The following MTUS1 variants were observed in gnomAD, a reference collection of about 807,000 sequenced individuals.
The protein encoded by MTUS1 is microtubule-associated tumor suppressor 1.
A neutral mutation model predicts 120.8 loss-of-function variants in MTUS1; 109 were observed. That is an observed-to-expected ratio of 0.90 (90% confidence interval 0.77 to 1.06). The LOEUF is 1.06. MTUS1 is among the 50% of genes least tolerant of loss of function. MTUS1 has a pLI of 0.00. For missense variants in MTUS1, 2,210 were observed against 1,486.3 expected, an observed-to-expected ratio of 1.49 and a Z score of -8.01; for synonymous variants, 737 against 550.5, an observed-to-expected ratio of 1.34 and a Z score of -4.74.
intron 1 of MTUS1, among the ~76,000 whole-genome samples, chr8:17,763,418 T>C (rs538338252): frequency 2.0e-5 from 3 of 152,356 alleles, no homozygotes; most frequent in Non-Finnish European, 2.9e-5. Flanking sequence ...GAGAATGTTG[T>C]TTCCATACCA....
chr8:17,722,554 T>C (rs1267799064), intron 4 of MTUS1: 1 of 985,280 alleles, frequency 1.0e-6, no homozygotes, highest in Non-Finnish European at 1.2e-6. Context: ...AGTGCCAGGG[T>C]ATGCAGCTAC....
intron 12 of MTUS1, among the ~76,000 whole-genome samples, chr8:17,652,209 G>C (rs1006164457): frequency 1.3e-5 from 2 of 152,140 alleles, no homozygotes; most frequent in African/African-American, 4.8e-5. Context: ...GGTAAGGCTG[G>C]GGAAAAAGGA....
chr8:17,752,438 T>TA, intron 2 of MTUS1, among the ~76,000 whole-genome samples: 1 of 152,354 alleles, frequency 6.6e-6, no homozygotes, highest in East Asian at 1.9e-4. Context: ...CAAGATAACT[T>TA]AAAAACTAAA....
intron 1 of MTUS1, among the ~76,000 whole-genome samples, chr8:17,756,668 C>A (rs2048635549): frequency 3.6e-5 from 2 of 55,908 alleles, no homozygotes; most frequent in African/African-American, 1.1e-4. Flanking sequence ...ATGTCAAGCC[C>A]AAACCCCCAC....
chr8:17,748,771 G>A (rs184052976), intron 2 of MTUS1, among the ~76,000 whole-genome samples: 1 of 152,288 alleles, frequency 6.6e-6, no homozygotes, highest in Non-Finnish European at 1.5e-5. Context: ...TTACAAATGG[G>A]TTGAGAAAAA....
chr8:17,754,008 C>G lies in MTUS1; in HGVS notation c.1800G>C (p.Arg600Ser). The change falls in exon 2 of 15, where the codon AGG (arginine) becomes AGC (serine). Residue 600 changes from arginine (R) to serine (S), a missense_variant. Coordinates refer to ENST00000693296, the MANE Select transcript of MTUS1 (RefSeq NM_001363059.2). Reference protein sequence around the residue: ...VTTHSKNASHRVPRTTSAVKS... With the variant: ...VTTHSKNASHSVPRTTSAVKS... ...TCACGGCAGATGTTGTTCTTGGAAC[C>G]CTGTGTGAAGCATTTTTAGAATGAG... 1 of 1,614,122 alleles carries G rather than the reference C, an allele frequency of 6.2e-7. No individual in the cohort carries two copies. Among genetic ancestry groups the G allele is most frequent in the Non-Finnish European group, 8.5e-7 (1 of 1,180,018 alleles).
rs141452122 is a variant in MTUS1 at position 17,723,313 on chromosome 8, A to C, written c.2449+359T>G. ...TCCTATTACACAAAATCTAGCATCC[A>C]AAGATTCCACAGGAGATAGTCTTTT... On this transcript the variant is annotated intron_variant, in intron 4 of 14. Transcript: ENST00000693296. 1.2e-3 allele frequency: 332 copies of C among 284,780 alleles called. 4 individuals are homozygous for C. Among genetic ancestry groups the C allele is most frequent in the African/African-American group, 6.7e-3 (311 of 46,230 alleles). 17.6% of individuals were successfully genotyped at this position (284,780 alleles called of 1,614,324 possible).
intron 1 of MTUS1, among the ~76,000 whole-genome samples, chr8:17,757,312 A>C (rs1016130549): frequency 1.3e-5 from 2 of 152,208 alleles, no homozygotes; most frequent in Non-Finnish European, 2.9e-5. Context: ...GAAAGTCTAC[A>C]TACTATATGA....
At chr8:17,727,783 T>C (rs148367366) in intron 3 of MTUS1, among the ~76,000 whole-genome samples, 463 of 152,362 alleles carry the variant, frequency 3.0e-3, no homozygotes, top group African/African-American at 0.01. Flanking sequence ...TGGTTTATTT[T>C]AAGCTCGTGC....
Position 17,724,057 on chromosome 8 carries a change from T to C in MTUS1, c.2288-224A>G, listed in dbSNP as rs1424977922. 4.3e-5 allele frequency: 25 copies of C among 577,290 alleles called. 2 individuals carry two copies. The South Asian group carries it at 4.5e-4, about 10-fold the overall frequency. The allele number at this position is 577,290 out of a possible 1,614,324, so 35.8% of individuals were successfully genotyped here. On this transcript the variant is annotated intron_variant, in intron 3 of 14. Transcript: ENST00000693296. ...CAGAAATGATGAGGCAATTAGGATA[T>C]GAGAAGTGTAGGAGTAACCCTGTCT...
intron 8 of MTUS1, among the ~76,000 whole-genome samples, chr8:17,673,907 C>T (rs75778080): frequency 5.3e-5 from 8 of 152,312 alleles, no homozygotes; most frequent in African/African-American, 1.9e-4. Context: ...TGGGTGAACA[C>T]AATTTGCTTC....
chr8:17,697,395 C>T lies in MTUS1; in HGVS notation c.2624-12853G>A, dbSNP rs749139402. 3.7e-6 allele frequency: 6 copies of T among 1,612,452 alleles called. No homozygotes were observed. The Admixed American group carries it at 5.0e-5, about 13-fold the overall frequency. On this transcript the variant is annotated intron_variant, in intron 6 of 14. Coordinates refer to ENST00000693296, the MANE Select transcript of MTUS1 (RefSeq NM_001363059.2). Reference sequence around the variant, plus strand: ...AACAACATGTCTTCGGAGCAGGTGGCGAGATTTCACAGAAGAGGCAATTTC... The same window carrying T: ...AACAACATGTCTTCGGAGCAGGTGGTGAGATTTCACAGAAGAGGCAATTTC...
chr8:17,692,389 C>A (rs1478322266), intron 6 of MTUS1, among the ~76,000 whole-genome samples: 1 of 151,874 alleles, frequency 6.6e-6, no homozygotes, highest in Admixed American at 6.6e-5. Context: ...CATGAGGACA[C>A]GGCTAAGAAG....
At chr8:17,661,827 G>C (rs1343580967) in intron 8 of MTUS1, among the ~76,000 whole-genome samples, 1 of 152,220 alleles carries the variant, frequency 6.6e-6, no homozygotes, top group Non-Finnish European at 1.5e-5. Context: ...CTGCAGCTGT[G>C]CACAGACCTT....
chr8:17,776,917 G>T (rs1026952093), intron 1 of MTUS1, among the ~76,000 whole-genome samples: 1 of 151,876 alleles, frequency 6.6e-6, no homozygotes, highest in African/African-American at 2.4e-5. Flanking sequence ...TTGTAATTGC[G>T]CTTTCGGAGA....
chr8:17,657,527 C>A (rs1349920863), intron 8 of MTUS1, among the ~76,000 whole-genome samples: 1 of 150,592 alleles, frequency 6.6e-6, no homozygotes, highest in Non-Finnish European at 1.5e-5. Flanking sequence ...GAGATCCCGC[C>A]ACTGCACTCC....
intron 7 of MTUS1, chr8:17,676,077 CG>C: frequency 1.7e-6 from 1 of 572,212 alleles, no homozygotes. Context: ...TTTCAAAGCT[CG>C]CTGAAAAATG....
rs1284142468 is a variant in MTUS1, at chr8:17,754,539, G to C, written c.1269C>G (p.Asp423Glu). The change falls in exon 2 of 15, where the codon GAC becomes GAG. Residue 423 changes from aspartate (D) to glutamate (E), a missense_variant. Transcript: ENST00000693296. The stretch of plus-strand genomic sequence containing the variant: ...CTGGTGTTGACATGCACATCGTTTT[G>C]TCTGTGCTAATGACCATATCATTTG... ...WDANDMVISTDKTMCMSTPVL... is the reference protein window; with the variant it reads ...WDANDMVISTEKTMCMSTPVL... 6.2e-7 allele frequency: 1 copy of C among 1,614,188 alleles called. No homozygotes were observed. Among genetic ancestry groups the C allele is most frequent in the South Asian group, 1.1e-5 (1 of 91,084 alleles).
rs377310381 is a variant in MTUS1 at position 17,754,565 on chromosome 8, C to A, written c.1243G>T (p.Ala415Ser). 9 of 1,614,200 alleles carry A rather than the reference C, an allele frequency of 5.6e-6. No homozygotes were observed. The highest frequency in any genetic ancestry group is 6.8e-6 in the Non-Finnish European group (8 of 1,180,036). ...TCTGTGCTAATGACCATATCATTTG[C>A]ATCCCAAGTCAGTCCAAATGACGAG... ...VGSSFGLTWD[A>S]NDMVISTDKT... is the part of the protein sequence containing the mutation. Residue 415 changes from alanine (A) to serine (S), a missense_variant, in exon 2 of 15, where the codon GCA (alanine) becomes TCA (serine). Ala to Ser is a moderately conservative substitution (Grantham distance 99, BLOSUM62 1). Transcript: ENST00000693296.
Sources: allele counts gnomAD v4.1 joint callset (sites outside exome capture counted in the v4.1 genomes callset), GRCh38; gene constraint gnomAD v4.1.1; transcripts MANE v1.5; gene names NCBI Gene and HGNC (gene_info 2026-07-23, HGNC 2026-07-21).